The following DNAJC5B variants were observed in gnomAD, a reference collection of about 807,000 sequenced individuals.
The protein encoded by DNAJC5B is dnaJ homolog subfamily C member 5B.
Under a neutral mutation model 24.7 loss-of-function variants are expected in DNAJC5B, and 23 were observed. That is an observed-to-expected ratio of 0.93 (90% confidence interval 0.67 to 1.32). The LOEUF (loss-of-function observed/expected upper bound fraction) is 1.32, where lower values mean the gene tolerates loss of function less well. DNAJC5B is among the 40% of genes most tolerant of loss of function. The pLI is 0.00. For missense variants in DNAJC5B, 238 were observed against 240.8 expected, an observed-to-expected ratio of 0.99 and a Z score of 0.08; for synonymous variants, 101 against 90.1, an observed-to-expected ratio of 1.12 and a Z score of -0.68.
chr8:66,079,951 A>C (rs1807555305), intron 4 of DNAJC5B, among the ~76,000 whole-genome samples: 2 of 152,196 alleles, frequency 1.3e-5, no homozygotes, highest in African/African-American at 4.8e-5. Context: ...GAGGTATCGG[A>C]CAGTTCATTC....
At chr8:66,053,932 T>TA (rs201227396) in intron 3 of DNAJC5B, among the ~76,000 whole-genome samples, 2,142 of 141,758 alleles carry the variant, frequency 0.015, 43 homozygotes, top group African/African-American at 0.055. Context: ...CCTGGCCTAC[T>TA]ACCCTTTTTT....
chr8:66,087,889 G>T (rs924061048), intron 5 of DNAJC5B, among the ~76,000 whole-genome samples: 1 of 152,170 alleles, frequency 6.6e-6, no homozygotes, highest in African/African-American at 2.4e-5. Context: ...GCTTTTCCAG[G>T]TTCTTGGTGC....
chr8:66,028,325 T>C (rs1444223934), intron 1 of DNAJC5B, among the ~76,000 whole-genome samples: 1 of 152,148 alleles, frequency 6.6e-6, no homozygotes, highest in East Asian at 1.9e-4. Flanking sequence ...AAGCAAATAA[T>C]TCACTTTGCT....
Position 66,056,258 on chromosome 8 carries a change from T to A in DNAJC5B, c.119+4592T>A, listed in dbSNP as rs547214863. On this transcript the variant is annotated intron_variant, in intron 3 of 5. Coordinates refer to ENST00000276570, the MANE Select transcript of DNAJC5B (RefSeq NM_033105.6). Reference sequence around the variant, plus strand: ...ATTCTTCCTCCAGATTGAACAGAAGTCCTGCCAACAACATTAGACAAGCCC... The same window carrying A: ...ATTCTTCCTCCAGATTGAACAGAAGACCTGCCAACAACATTAGACAAGCCC... Among the ~76,000 whole-genome samples the A allele has an allele frequency of 3.9e-5, 6 of 152,094 alleles. No individual in the cohort carries two copies. The East Asian group carries it at 1.2e-3, about 29-fold the overall frequency.
chr8:66,056,956 C>G (rs1489422291), intron 3 of DNAJC5B: 1 of 152,068 alleles, frequency 6.6e-6, no homozygotes, highest in Non-Finnish European at 1.5e-5. Context: ...CTGGCTAACA[C>G]AGTGAAAGCC....
At chr8:66,017,383 T>A (rs950491290), upstream of DNAJC5B, among the ~76,000 whole-genome samples, 1 of 152,108 alleles carries the variant, frequency 6.6e-6, no homozygotes, top group African/African-American at 2.4e-5. Context: ...TTTGAGAAAA[T>A]GTTATGATTT....
chr8:66,087,735 A>G (rs942826230), intron 5 of DNAJC5B, among the ~76,000 whole-genome samples: 1 of 152,194 alleles, frequency 6.6e-6, no homozygotes. Context: ...TGAAGCTCCA[A>G]AATCTCCTTT....
rs527892996 is a variant in DNAJC5B, at chr8:66,060,894, C to T, written c.119+9228C>T. ...GCAGTGAACAAAACAGACCTGCTTC[C>T]TTAAACCTGTTTTAAATAGGGCCAG... On this transcript the variant is annotated intron_variant, in intron 3 of 5. Coordinates refer to ENST00000276570, the MANE Select transcript of DNAJC5B (RefSeq NM_033105.6). 2.6e-5 allele frequency among the ~76,000 whole-genome samples: 4 copies of T among 152,324 alleles called. No homozygotes were observed. The East Asian group carries it at 7.7e-4, about 29-fold the overall frequency.
intron 1 of DNAJC5B, among the ~76,000 whole-genome samples, chr8:66,031,674 G>A (rs886116756): frequency 6.6e-6 from 1 of 152,090 alleles, no homozygotes; most frequent in African/African-American, 2.4e-5. Context: ...TCTGGAGGCA[G>A]AAAAAAACCA....
At chr8:66,063,666 C>A (rs1433581559) in intron 3 of DNAJC5B, among the ~76,000 whole-genome samples, 1 of 152,184 alleles carries the variant, frequency 6.6e-6, no homozygotes, top group African/African-American at 2.4e-5. Flanking sequence ...TCAGTCATTC[C>A]TAGGTGCCAG....
intron 1 of DNAJC5B, among the ~76,000 whole-genome samples, chr8:66,029,656 A>G (rs947886928): frequency 6.6e-6 from 1 of 152,220 alleles, no homozygotes; most frequent in African/African-American, 2.4e-5. Flanking sequence ...AAACAGAGGA[A>G]GAGAGTGGAC....
At chr8:66,077,662 A>G (rs1357375365) in intron 4 of DNAJC5B, among the ~76,000 whole-genome samples, 1 of 152,222 alleles carries the variant, frequency 6.6e-6, no homozygotes, top group Non-Finnish European at 1.5e-5. Flanking sequence ...GTTCCAATAC[A>G]TAATAATAAT....
At chr8:66,047,302 C>T (rs1018279081) in intron 2 of DNAJC5B, among the ~76,000 whole-genome samples, 20 of 152,182 alleles carry the variant, frequency 1.3e-4, no homozygotes, top group African/African-American at 4.3e-4. Flanking sequence ...CATTGGCCTC[C>T]GCATTTGTTT....
intron 4 of DNAJC5B, among the ~76,000 whole-genome samples, chr8:66,077,719 AT>A (rs373632780): frequency 1.4e-4 from 22 of 152,176 alleles, no homozygotes; most frequent in African/African-American, 5.1e-4. Flanking sequence ...TCTGTTTGCT[AT>A]TTTCTTCCAC....
At chr8:66,061,634 T>TGTGC (rs919573472) in intron 3 of DNAJC5B, among the ~76,000 whole-genome samples, 6 of 150,884 alleles carry the variant, frequency 4.0e-5, no homozygotes, top group African/African-American at 1.5e-4. Context: ...TGTGTGTGTG[T>TGTGC]GCGCGTGTAT....
intron 4 of DNAJC5B, among the ~76,000 whole-genome samples, chr8:66,077,318 G>A (rs981568228): frequency 6.6e-6 from 1 of 152,170 alleles, no homozygotes; most frequent in South Asian, 2.1e-4. Context: ...CTTGGAGCCT[G>A]CTGTGAGGTA....
At chr8:66,032,701 T>C (rs1055768759) in intron 1 of DNAJC5B, among the ~76,000 whole-genome samples, 2 of 152,222 alleles carry the variant, frequency 1.3e-5, no homozygotes, top group African/African-American at 4.8e-5. Context: ...AATCAATGAT[T>C]CCGCAGGTGC....
chr8:66,052,888 G>A (rs1806882166), intron 3 of DNAJC5B, among the ~76,000 whole-genome samples: 1 of 152,082 alleles, frequency 6.6e-6, no homozygotes, highest in South Asian at 2.1e-4. Flanking sequence ...TTCAGAGAGA[G>A]AAAATCTTTC....
chr8:66,051,723 C>A (rs951777899), intron 3 of DNAJC5B, 57 bp downstream of exon 3: 8 of 1,287,854 alleles, frequency 6.2e-6, no homozygotes, highest in Non-Finnish European at 7.8e-6. Flanking sequence ...TTGTGACTGG[C>A]AGATTCCTCC....
Sources: gnomAD v4.1 joint callset for allele counts (sites outside exome capture counted in the v4.1 genomes callset) on GRCh38, gnomAD v4.1.1 for gene constraint, MANE v1.5 for transcripts, NCBI Gene and HGNC (gene_info 2026-07-23, HGNC 2026-07-21) for gene names.